The following PDSS2 variants were observed in gnomAD, a reference collection of about 807,000 sequenced individuals.
PDSS2 encodes the protein decaprenyl diphosphate synthase subunit 2.
A neutral mutation model predicts 44.5 loss-of-function variants in PDSS2; 31 were observed. The observed-to-expected ratio is 0.70, with a 90% CI of 0.52 to 0.94. The LOEUF (loss-of-function observed/expected upper bound fraction) is 0.94, where lower values mean the gene tolerates loss of function less well. PDSS2 is among the 40% of genes least tolerant of loss of function. The probability of loss-of-function intolerance (pLI) is 0.00; values close to 1 mark genes in which losing one functional copy is unlikely to be tolerated. For missense variants in PDSS2, 452 were observed against 482.2 expected (o/e 0.94, Z 0.59); for synonymous variants, 157 against 180.3 (o/e 0.87, Z 1.03).
intron 7 of PDSS2, among the ~76,000 whole-genome samples, chr6:107,188,564 C>T (rs1772257417): frequency 6.6e-6 from 1 of 152,058 alleles, no homozygotes; most frequent in Non-Finnish European, 1.5e-5. Flanking sequence ...ATTAAGTGAA[C>T]AATTTGGTTT....
chr6:107,306,480 T>G (rs1397936084), intron 2 of PDSS2, among the ~76,000 whole-genome samples: 1 of 152,194 alleles, frequency 6.6e-6, no homozygotes, highest in Non-Finnish European at 1.5e-5. Flanking sequence ...CTCTTTCCTT[T>G]GTAAATTGCC....
intron 7 of PDSS2, among the ~76,000 whole-genome samples, chr6:107,191,907 T>C (rs1200864887): frequency 6.6e-6 from 1 of 152,180 alleles, no homozygotes; most frequent in Non-Finnish European, 1.5e-5. Flanking sequence ...CCACTGCACC[T>C]GGCCTTAGAT....
chr6:107,277,353 G>A (rs1156889854), intron 2 of PDSS2, among the ~76,000 whole-genome samples: 1 of 152,174 alleles, frequency 6.6e-6, no homozygotes, highest in East Asian at 1.9e-4. Context: ...GTGACCAAAG[G>A]TTGAAAAGAT....
chr6:107,225,143 A>ATATATATATATT (rs1562389051), intron 4 of PDSS2, among the ~76,000 whole-genome samples: 4 of 41,584 alleles, frequency 9.6e-5, no homozygotes, highest in Non-Finnish European at 1.6e-4. Context: ...ATTTTTATAT[A>ATATATATATATT]TATATATATA....
In PDSS2 at chr6:107,454,369, A is replaced by G. The variant is rs1029131360; in HGVS notation, c.296+4621T>C. ...GGTCTAGACTTCTTTATATCACTTCATAAGTTTCAATAAACATTTAATTAA... is the reference window on the plus strand; with the variant it reads ...GGTCTAGACTTCTTTATATCACTTCGTAAGTTTCAATAAACATTTAATTAA... On this transcript the variant is annotated intron_variant, in intron 1 of 7. Transcript: ENST00000369037. 7.2e-5 allele frequency among the ~76,000 whole-genome samples: 11 copies of G among 152,170 alleles called. No homozygotes were observed. The East Asian group carries it at 1.4e-3, about 19-fold the overall frequency.
At chr6:107,233,308 G>A (rs1207181944) in intron 4 of PDSS2, among the ~76,000 whole-genome samples, 1 of 152,146 alleles carries the variant, frequency 6.6e-6, no homozygotes, top group African/African-American at 2.4e-5. Flanking sequence ...TCATGTGCAT[G>A]TATTTCCTAT....
chr6:107,349,912 G>A (rs1008705744), intron 1 of PDSS2, among the ~76,000 whole-genome samples: 1 of 152,204 alleles, frequency 6.6e-6, no homozygotes. Flanking sequence ...AAAGGATCCA[G>A]TTCAGAATCA....
Position 107,459,328 on chromosome 6 carries a change from G to A in PDSS2, c.-43C>T, listed in dbSNP as rs1451962081. ...GTCTGGGACCTGGGGGTATCCAGAAGTGCCGCGGGAAACAAACCAGGGGCA... is the reference window on the plus strand; with the variant it reads ...GTCTGGGACCTGGGGGTATCCAGAAATGCCGCGGGAAACAAACCAGGGGCA... On this transcript the variant is annotated 5_prime_UTR_variant, in exon 1 of 8. Coordinates refer to ENST00000369037, the MANE Select transcript of PDSS2 (RefSeq NM_020381.4). The surrounding 1 kb of genome is among the most constrained non-coding windows in gnomAD (Gnocchi z 4.3). The A allele has an allele frequency of 1.9e-6, 3 of 1,571,282 alleles. No individual in the cohort carries two copies. The highest frequency in any genetic ancestry group is 2.6e-6 in the Non-Finnish European group (3 of 1,143,924).
intron 3 of PDSS2, among the ~76,000 whole-genome samples, chr6:107,268,553 T>C (rs1210748194): frequency 6.6e-6 from 1 of 152,184 alleles, no homozygotes; most frequent in Non-Finnish European, 1.5e-5. Context: ...ATACTGATTA[T>C]CTGAATATTT....
At chr6:107,392,757 C>G (rs889055674) in intron 1 of PDSS2, among the ~76,000 whole-genome samples, 1 of 152,128 alleles carries the variant, frequency 6.6e-6, no homozygotes, top group Admixed American at 6.5e-5. Flanking sequence ...TGGCCTCCTT[C>G]AACGTTCCCT....
chr6:107,156,303 T>C (rs1262307898), intron 7 of PDSS2, among the ~76,000 whole-genome samples: 2 of 150,662 alleles, frequency 1.3e-5, no homozygotes, highest in African/African-American at 4.9e-5. Context: ...CACACCATTC[T>C]CCTGCCTCAG....
chr6:107,424,900 G>T (rs548122138), intron 1 of PDSS2, among the ~76,000 whole-genome samples: 2 of 152,272 alleles, frequency 1.3e-5, no homozygotes, highest in South Asian at 2.1e-4. Flanking sequence ...ATCTTGAATT[G>T]TAATTCCCAC....
At chr6:107,330,602 T>A (rs1479177788) in intron 2 of PDSS2, among the ~76,000 whole-genome samples, 1 of 152,196 alleles carries the variant, frequency 6.6e-6, no homozygotes, top group East Asian at 1.9e-4. Context: ...GTTTTTAATA[T>A]GCATTATATA....
intron 1 of PDSS2, among the ~76,000 whole-genome samples, chr6:107,408,627 C>T (rs1780396079): frequency 6.6e-6 from 1 of 152,168 alleles, no homozygotes; most frequent in Admixed American, 6.6e-5. Context: ...AGGAACAAAT[C>T]TGGCAAGCAA....
chr6:107,241,172 C>T (rs537350166), intron 4 of PDSS2, among the ~76,000 whole-genome samples: 7 of 148,998 alleles, frequency 4.7e-5, no homozygotes, highest in Admixed American at 3.4e-4. Flanking sequence ...TCGTTTGAAC[C>T]GGGTAGGCAG....
intron 1 of PDSS2, among the ~76,000 whole-genome samples, chr6:107,412,663 T>C (rs897421206): frequency 3.3e-5 from 5 of 152,238 alleles, no homozygotes; most frequent in Non-Finnish European, 7.3e-5. Context: ...TTGACTTTCC[T>C]TATGGTAGTT....
chr6:107,176,828 T>C (rs1316768953), intron 7 of PDSS2, among the ~76,000 whole-genome samples: 2 of 152,086 alleles, frequency 1.3e-5, no homozygotes, highest in South Asian at 2.1e-4. Context: ...GTTTATATGG[T>C]TTAGAGGTAT....
At chr6:107,405,483 A>G (rs1203165023) in intron 1 of PDSS2, among the ~76,000 whole-genome samples, 1 of 152,112 alleles carries the variant, frequency 6.6e-6, no homozygotes, top group East Asian at 1.9e-4. Context: ...ATAACAATCA[A>G]TATCATGACA....
chr6:107,452,570 A>G (rs180765718), intron 1 of PDSS2, among the ~76,000 whole-genome samples: 1 of 152,010 alleles, frequency 6.6e-6, no homozygotes, highest in Non-Finnish European at 1.5e-5. Context: ...CCTGGATACA[A>G]GCCCTTCTTT....
Sources: allele counts gnomAD v4.1 joint callset (sites outside exome capture counted in the v4.1 genomes callset), GRCh38; gene constraint gnomAD v4.1.1; non-coding constraint Gnocchi (gnomAD v3.1); transcripts MANE v1.5; gene names NCBI Gene and HGNC (gene_info 2026-07-23, HGNC 2026-07-21).